The following CFAP46 variants were observed in gnomAD, a reference collection of about 807,000 sequenced individuals.
CFAP46 encodes the protein cilia and flagella associated protein 46.
In CFAP46, 245 loss-of-function variants were observed where a neutral mutation model predicts 325.7. The ratio of observed to expected loss-of-function variants is 0.75; its 90% CI spans 0.68 to 0.84. The LOEUF is 0.84. Among genes scored for constraint, CFAP46 ranks in the 40% least tolerant of loss-of-function variants. CFAP46 has a pLI of 0.00. For missense variants in CFAP46, 3,346 were observed against 3,543.0 expected (o/e 0.94, Z 1.41); for synonymous variants, 1,523 against 1,495.9 (o/e 1.02, Z -0.42).
At chr10:132,842,877 T>A (rs573205687) in intron 44 of CFAP46, among the ~76,000 whole-genome samples, 1 of 152,330 alleles carries the variant, frequency 6.6e-6, no homozygotes, top group African/African-American at 2.4e-5. Flanking sequence ...ACTCCCATGA[T>A]AACCATAATC....
chr10:132,814,745 C>T lies in CFAP46; in HGVS notation c.7190G>A (p.Gly2397Asp). 4.3e-6 allele frequency: 7 copies of T among 1,613,674 alleles called. No individual in the cohort carries two copies. Among genetic ancestry groups the T allele is most frequent in the Non-Finnish European group, 5.1e-6 (6 of 1,179,816 alleles). The change falls in exon 52 of 58, where the codon GGC becomes GAC. Residue 2397 changes from glycine (G) to aspartate (D), a missense_variant and splice_region_variant. Coordinates refer to ENST00000368586, the MANE Select transcript of CFAP46 (RefSeq NM_001200049.3). ...AGGGGGGATGGTCCGGGGGATGCTG[C>T]CCTGCAACCACAGACCAGGGTCAGC... The part of the protein sequence containing the change: ...KRSLAKKGRK[G>D]SIPRTIPPDC...
chr10:132,910,264 C>T (rs1330952100), intron 19 of CFAP46, among the ~76,000 whole-genome samples, 196 bp from the exon 20 acceptor site: 2 of 152,222 alleles, frequency 1.3e-5, no homozygotes, highest in African/African-American at 2.4e-5. Context: ...ACGCCGAGGA[C>T]GCAGCTGCCA....
chr10:132,927,634 G>A (rs970195604), intron 9 of CFAP46, among the ~76,000 whole-genome samples: 3 of 152,214 alleles, frequency 2.0e-5, no homozygotes, highest in African/African-American at 2.4e-5. Context: ...CAGAAAAAGC[G>A]TTCCGTGCTT....
chr10:132,873,531 G>A (rs1237905807), intron 31 of CFAP46, among the ~76,000 whole-genome samples: 1 of 152,154 alleles, frequency 6.6e-6, no homozygotes, highest in Non-Finnish European at 1.5e-5. Context: ...AGGCAGCTGA[G>A]GGCCCCATGG....
At position 132,889,335 on chromosome 10, in the gene CFAP46, C is replaced by T. The variant is rs946237503; in HGVS notation, c.3304+2998G>A. On this transcript the variant is annotated intron_variant, in intron 25 of 57. Coordinates refer to ENST00000368586, the MANE Select transcript of CFAP46 (RefSeq NM_001200049.3). This position sits in a 1 kb window ranked among gnomAD's most constrained non-coding sequence, Gnocchi z 6.0. ...CGGCTGGGTCTAGGGAGCAGAGGTG[C>T]CCATGGCTGGAAGGAAGGCACCCAT... 1.3e-5 allele frequency among the ~76,000 whole-genome samples: 2 copies of T among 152,208 alleles called. No individual in the cohort carries two copies. Among genetic ancestry groups the T allele is most frequent in the Non-Finnish European group, 2.9e-5 (2 of 68,036 alleles).
At chr10:132,868,308 C>T in intron 33 of CFAP46, among the ~76,000 whole-genome samples, 1 of 152,218 alleles carries the variant, frequency 6.6e-6, no homozygotes, top group East Asian at 1.9e-4. Flanking sequence ...GGAACCAGGA[C>T]CCTATGGCCT....
intron 3 of CFAP46, 51 bp from the exon 4 acceptor site, chr10:132,941,111 A>G (rs1398922038): frequency 6.3e-7 from 1 of 1,591,960 alleles, no homozygotes; most frequent in East Asian, 2.2e-5. Flanking sequence ...ACCCCTGCTC[A>G]CTGCCCCATC....
intron 56 of CFAP46, 101 bp downstream of exon 56, chr10:132,810,849 A>C: frequency 8.8e-7 from 1 of 1,131,692 alleles, no homozygotes; most frequent in Non-Finnish European, 1.3e-6. Context: ...CCGTTCTTGA[A>C]ACCCGACCCC....
rs1467985122 is a variant in CFAP46 at position 132,827,763 on chromosome 10, C to T, written c.7117+5595G>A. On this transcript the variant is annotated intron_variant, in intron 50 of 57. Transcript: ENST00000368586. This position sits in a 1 kb window ranked among gnomAD's most constrained non-coding sequence, Gnocchi z 5.7. ...TCCCTCCTGCACCCACGACCCTCCCCCAACTTCTCCTGCAGCCCCAGCCCC... is the reference window on the plus strand; with the variant it reads ...TCCCTCCTGCACCCACGACCCTCCCTCAACTTCTCCTGCAGCCCCAGCCCC... Among the ~76,000 whole-genome samples, 1 of 152,068 alleles carries T rather than the reference C, an allele frequency of 6.6e-6. No homozygotes were observed. Among genetic ancestry groups the T allele is most frequent in the Admixed American group, 6.5e-5 (1 of 15,278 alleles).
At chr10:132,810,758 G>A in intron 56 of CFAP46, 192 bp downstream of exon 56, 1 of 728,418 alleles carries the variant, frequency 1.4e-6, no homozygotes, top group South Asian at 1.5e-5. Flanking sequence ...GGTGCCAGGG[G>A]CCCGGCTGAG....
intron 9 of CFAP46, 131 bp from the exon 10 acceptor site, chr10:132,926,797 A>G: frequency 2.8e-6 from 2 of 709,878 alleles, no homozygotes; most frequent in South Asian, 1.7e-5. Context: ...ACGATGACAC[A>G]AAGACACCTA....
chr10:132,893,566 C>A (rs968121901), intron 24 of CFAP46, among the ~76,000 whole-genome samples: 1 of 152,184 alleles, frequency 6.6e-6, no homozygotes, highest in Non-Finnish European at 1.5e-5. Flanking sequence ...TAAAATCCTG[C>A]CTTTCTCACC....
Position 132,879,608 on chromosome 10 carries a change from G to T in CFAP46, c.3823C>A (p.Pro1275Thr). ...GCCTCGGACACGGGGCTCCGTGGGG[G>T]CATCTCCACAGCCACGTACTCCCCT... ...PDGEYVAVEM[P>T]PRSPVSEAEE... Residue 1275 changes from proline (P) to threonine (T), a missense_variant, in exon 29 of 58, where the codon CCC (proline) becomes ACC (threonine). Coordinates refer to ENST00000368586, the MANE Select transcript of CFAP46 (RefSeq NM_001200049.3). 6.5e-7 allele frequency: 1 copy of T among 1,542,042 alleles called. No individual in the cohort carries two copies. Among genetic ancestry groups the T allele is most frequent in the South Asian group, 1.2e-5 (1 of 82,966 alleles).
At chr10:132,874,122 T>C (rs1236687170) in intron 31 of CFAP46, among the ~76,000 whole-genome samples, 1 of 152,168 alleles carries the variant, frequency 6.6e-6, no homozygotes, top group Non-Finnish European at 1.5e-5. Context: ...AAAGGAACAC[T>C]TGTAACTGAC....
chr10:132,814,766 T>TCA lies in CFAP46; in HGVS notation c.7189-22_7189-21dup. 6.2e-7 allele frequency: 1 copy of TCA among 1,613,574 alleles called. No individual in the cohort carries two copies. Among genetic ancestry groups the TCA allele is most frequent in the Non-Finnish European group, 8.5e-7 (1 of 1,179,706 alleles). ...GCTGCCCTGCAACCACAGACCAGGG[T>TCA]CAGCAGGTGCAGGGGCCAGGAGCCT... On this transcript the variant is annotated intron_variant, in intron 51 of 57. Coordinates refer to ENST00000368586, the MANE Select transcript of CFAP46 (RefSeq NM_001200049.3).
At chr10:132,894,810 G>C (rs994313239) in intron 24 of CFAP46, among the ~76,000 whole-genome samples, 3 of 152,120 alleles carry the variant, frequency 2.0e-5, no homozygotes, top group Non-Finnish European at 4.4e-5. Flanking sequence ...GATTAAATTA[G>C]TAATCAAAAG....
At chr10:132,922,081 G>A in intron 13 of CFAP46, 23 bp downstream of exon 13, 3 of 1,547,628 alleles carry the variant, frequency 1.9e-6, no homozygotes, top group Non-Finnish European at 2.6e-6. Flanking sequence ...TTCTGGGCTG[G>A]GAGAGCCCAG....
At chr10:132,879,050 T>A (rs918269252) in intron 29 of CFAP46, among the ~76,000 whole-genome samples, 18 of 152,168 alleles carry the variant, frequency 1.2e-4, no homozygotes, top group African/African-American at 4.1e-4. Flanking sequence ...CGCCTGCCGC[T>A]GCCTTGGTGT....
chr10:132,919,518 G>A lies in CFAP46; in HGVS notation c.1731-76C>T. 6.8e-7 allele frequency: 1 copy of A among 1,480,556 alleles called. No homozygotes were observed. Among genetic ancestry groups the A allele is most frequent in the East Asian group, 2.5e-5 (1 of 39,784 alleles). 91.7% of individuals were successfully genotyped at this position (1,480,556 alleles called of 1,614,324 possible). A position where few individuals can be genotyped will look rare whatever the true frequency, so the allele number is the denominator to read the frequency against. On this transcript the variant is annotated intron_variant, in intron 14 of 57. Transcript: ENST00000368586. This position sits in a 1 kb window ranked among gnomAD's most constrained non-coding sequence, Gnocchi z 9.7. ...GCTGAAGTTAGAAAACACCTGGGCT[G>A]GCTGCCTGAGAAAAGGCCACTGTGG...
Sources: gnomAD v4.1 joint callset for allele counts (sites outside exome capture counted in the v4.1 genomes callset) on GRCh38, gnomAD v4.1.1 for gene constraint, Gnocchi (gnomAD v3.1) non-coding constraint, MANE v1.5 for transcripts, NCBI Gene and HGNC (gene_info 2026-07-23, HGNC 2026-07-21) for gene names.